Variants in MEGF10 observed in about 807,000 individuals in gnomAD.
The protein encoded by MEGF10 is multiple epidermal growth factor-like domains protein 10.
Under a neutral mutation model 147.5 loss-of-function variants are expected in MEGF10, and 86 were observed. The ratio of observed to expected loss-of-function variants is 0.58; its 90% confidence interval spans 0.49 to 0.70. The LOEUF (loss-of-function observed/expected upper bound fraction) is 0.70. MEGF10 is among the 30% of genes least tolerant of loss of function. The pLI is 0.00. For missense variants in MEGF10, 1,329 were observed against 1,487.3 expected (o/e 0.89, Z 1.75); for synonymous variants, 478 against 525.5 (o/e 0.91, Z 1.24).
intron 22 of MEGF10, among the ~76,000 whole-genome samples, chr5:127,451,182 G>A (rs574571915): frequency 1.6e-4 from 24 of 152,298 alleles, no homozygotes; most frequent in African/African-American, 5.5e-4. Flanking sequence ...GAAGGAAAGG[G>A]GTAAAGCCAG....
the MEGF10 span, among the ~76,000 whole-genome samples, chr5:127,235,564 A>C: frequency 6.6e-6 from 1 of 152,244 alleles, no homozygotes; most frequent in Non-Finnish European, 1.5e-5. Context: ...ACTGCATGTC[A>C]TCCAGAATCT....
the MEGF10 span, among the ~76,000 whole-genome samples, chr5:127,260,745 A>G: frequency 2.0e-5 from 3 of 152,146 alleles, no homozygotes; most frequent in Admixed American, 2.0e-4. Context: ...CATTTCGAGC[A>G]GAGTGGATTT....
rs527310018 is a variant in MEGF10, at chr5:127,310,309, T to G, written c.-19+19253T>G. Among the ~76,000 whole-genome samples, 7 of 152,168 alleles carry G rather than the reference T, an allele frequency of 4.6e-5. No individual in the cohort carries two copies. In the South Asian group the frequency reaches 1.5e-3, roughly 32 times the overall value. On this transcript the variant is annotated intron_variant, in intron 1 of 24. Coordinates refer to ENST00000503335, the MANE Select transcript of MEGF10 (RefSeq NM_001256545.2). ...GTTGTAGGAGTTCTTTTTATATTGTTGATATTGATCCTTTATCATGTATTA... is the reference window on the plus strand; with the variant it reads ...GTTGTAGGAGTTCTTTTTATATTGTGGATATTGATCCTTTATCATGTATTA...
At chr5:127,332,054 C>A (rs111923517) in intron 2 of MEGF10, among the ~76,000 whole-genome samples, 3 of 151,280 alleles carry the variant, frequency 2.0e-5, no homozygotes, top group Admixed American at 1.3e-4. Context: ...GAGTTAGTAC[C>A]GTATTGGAGG....
rs372180012 is a variant in MEGF10 at position 127,311,050 on chromosome 5, T to C, written c.-19+19994T>C. On this transcript the variant is annotated intron_variant, in intron 1 of 24. Transcript: ENST00000503335. The stretch of plus-strand genomic sequence containing the variant: ...GAAACTTCTCCAAGTATATAGACAG[T>C]GACTTTTTATAAATGTTCATTCCCT... 6.6e-5 allele frequency among the ~76,000 whole-genome samples: 10 copies of C among 152,346 alleles called. 1 individual carries two copies. Among genetic ancestry groups the C allele is most frequent in the Admixed American group, 4.6e-4 (7 of 15,306 alleles).
At chr5:127,425,003 C>G (rs1765163508) in intron 13 of MEGF10, among the ~76,000 whole-genome samples, 2 of 152,164 alleles carry the variant, frequency 1.3e-5, no homozygotes, top group South Asian at 4.1e-4. Context: ...ATACAACACT[C>G]CACCAAATCT....
intron 4 of MEGF10, among the ~76,000 whole-genome samples, chr5:127,355,936 C>G (rs1485272454): frequency 6.6e-6 from 1 of 151,922 alleles, no homozygotes; most frequent in African/African-American, 2.4e-5. Context: ...TGCCTTATCT[C>G]TAGAAAATTA....
Position 127,457,428 on chromosome 5 carries a change from C to A in MEGF10, c.*110C>A, listed in dbSNP as rs2127049931. 8.2e-7 allele frequency: 1 copy of A among 1,217,394 alleles called. No homozygotes were observed. Among genetic ancestry groups the A allele is most frequent in the Non-Finnish European group, 1.1e-6 (1 of 896,320 alleles). 75.4% of individuals were successfully genotyped at this position (1,217,394 alleles called of 1,614,324 possible). On this transcript the variant is annotated 3_prime_UTR_variant, in exon 25 of 25. Coordinates refer to ENST00000503335, the MANE Select transcript of MEGF10 (RefSeq NM_001256545.2). ...TGTGAATGTTAGTCAATTCGGTGGG[C>A]AATTTTTGGACATGAACCAGAAAGC... is the stretch of plus-strand genomic sequence containing the variant.
chr5:127,362,905 T>G (rs1026660225), intron 4 of MEGF10, among the ~76,000 whole-genome samples: 3 of 152,354 alleles, frequency 2.0e-5, no homozygotes, highest in Non-Finnish European at 4.4e-5. Context: ...TTTTATCTTC[T>G]TCATTGGCTT....
At chr5:127,396,853 T>A in intron 6 of MEGF10, 75 bp downstream of exon 6, 2 of 1,556,578 alleles carry the variant, frequency 1.3e-6, no homozygotes, top group South Asian at 1.2e-5. Flanking sequence ...GCCATCATAT[T>A]TCTTGTGCCT....
At chr5:127,412,889 G>T (rs756329288) in intron 9 of MEGF10, among the ~76,000 whole-genome samples, 45 of 152,122 alleles carry the variant, frequency 3.0e-4, no homozygotes, top group Admixed American at 5.9e-4. Flanking sequence ...CATTTGGCTG[G>T]GTGATGGGGC....
chr5:127,410,635 T>A (rs1764522265), intron 9 of MEGF10, 34 bp downstream of exon 9: 1 of 1,538,324 alleles, frequency 6.5e-7, no homozygotes, highest in Non-Finnish European at 8.8e-7. Context: ...GGACGTGTCC[T>A]GTGAAAGTTT....
At chr5:127,340,263 A>G (rs912251181) in intron 3 of MEGF10, among the ~76,000 whole-genome samples, 1 of 152,180 alleles carries the variant, frequency 6.6e-6, no homozygotes, top group Non-Finnish European at 1.5e-5. Flanking sequence ...TAAGTGAATG[A>G]TGCTTTGATG....
intron 4 of MEGF10, among the ~76,000 whole-genome samples, chr5:127,357,945 T>C (rs999755424): frequency 2.0e-5 from 3 of 152,174 alleles, no homozygotes; most frequent in Non-Finnish European, 4.4e-5. Context: ...AGGTCTAACC[T>C]GATTTGTAAT....
intron 24 of MEGF10, among the ~76,000 whole-genome samples, chr5:127,456,238 A>G (rs1766359607): frequency 6.6e-6 from 1 of 152,204 alleles, no homozygotes; most frequent in South Asian, 2.1e-4. Flanking sequence ...AGCAAGATTG[A>G]AACATTTTAC....
intron 4 of MEGF10, among the ~76,000 whole-genome samples, chr5:127,363,811 G>A (rs1469340892): frequency 6.6e-6 from 1 of 152,112 alleles, no homozygotes; most frequent in Non-Finnish European, 1.5e-5. Flanking sequence ...CAAACATCTA[G>A]GTTCCTAGCA....
chr5:127,238,143 C>T, the MEGF10 span, among the ~76,000 whole-genome samples: 9 of 151,394 alleles, frequency 5.9e-5, no homozygotes, highest in Non-Finnish European at 1.2e-4. Context: ...GCAACCTCCA[C>T]CTCCAGGGTT....
chr5:127,305,855 C>T (rs1455617777), intron 1 of MEGF10, among the ~76,000 whole-genome samples: 1 of 152,218 alleles, frequency 6.6e-6, no homozygotes, highest in Non-Finnish European at 1.5e-5. Context: ...CACCTCCCTG[C>T]ACAATCATCT....
the MEGF10 span, among the ~76,000 whole-genome samples, chr5:127,233,813 C>A: frequency 1.3e-5 from 2 of 152,030 alleles, no homozygotes; most frequent in Admixed American, 1.3e-4. Context: ...TCCTTCACTT[C>A]GTTTAATCAA....
Sources: gnomAD v4.1 joint callset for allele counts (sites outside exome capture counted in the v4.1 genomes callset) on GRCh38, gnomAD v4.1.1 for gene constraint, MANE v1.5 for transcripts, NCBI Gene and HGNC (gene_info 2026-07-23, HGNC 2026-07-21) for gene names.